Variants in COL25A1 observed in about 807,000 individuals in gnomAD.
The protein encoded by COL25A1 is collagen type XXV alpha 1 chain, also known as collagen alpha-1(XXV) chain.
A neutral mutation model predicts 128.4 loss-of-function variants in COL25A1; 103 were observed. The observed-to-expected ratio is 0.80, with a 90% CI of 0.68 to 0.94. The LOEUF (loss-of-function observed/expected upper bound fraction) is 0.94, where lower values mean the gene tolerates loss of function less well. Among genes scored for constraint, COL25A1 ranks in the 40% least tolerant of loss-of-function variants. COL25A1 has a pLI of 0.00. For synonymous variants in COL25A1, 279 were observed against 277.2 expected (o/e 1.01, Z -0.06); for missense variants, 745 against 840.0 (o/e 0.89, Z 1.40).
intron 35 of COL25A1, among the ~76,000 whole-genome samples, chr4:108,822,113 G>A (rs573237552): frequency 7.0e-4 from 97 of 138,904 alleles, no homozygotes; most frequent in African/African-American, 2.1e-3. Flanking sequence ...GCGTGATCTC[G>A]GCTCACTGCA....
intron 22 of COL25A1, among the ~76,000 whole-genome samples, chr4:108,861,556 C>T (rs72668337): frequency 0.097 from 14,834 of 152,236 alleles, 934 homozygotes; most frequent in Non-Finnish European, 0.14. Flanking sequence ...AACAGGTTGG[C>T]AGCGCTGAAG....
chr4:108,836,360 C>A (rs1427865074), intron 31 of COL25A1, among the ~76,000 whole-genome samples: 1 of 152,102 alleles, frequency 6.6e-6, no homozygotes, highest in Non-Finnish European at 1.5e-5. Context: ...TCCAAACTTT[C>A]TTTTGCCTTT....
chr4:109,068,353 G>T (rs575323654), intron 3 of COL25A1, among the ~76,000 whole-genome samples: 104 of 152,014 alleles, frequency 6.8e-4, no homozygotes, highest in Middle Eastern at 3.4e-3. Context: ...ACATGCAACA[G>T]ATTTACCATT....
At chr4:108,859,619 T>C (rs762535105) in intron 24 of COL25A1, 37 bp downstream of exon 24, 10 of 1,585,472 alleles carry the variant, frequency 6.3e-6, no homozygotes, top group Non-Finnish European at 8.6e-6. Context: ...CTCAGCATCC[T>C]TCTCAGTGTG....
At chr4:109,002,530 C>T (rs960326427) in intron 6 of COL25A1, among the ~76,000 whole-genome samples, 2 of 152,046 alleles carry the variant, frequency 1.3e-5, no homozygotes, top group African/African-American at 4.8e-5. Flanking sequence ...AAGCATAGAA[C>T]AAAGGCTGGA....
chr4:109,163,999 A>C (rs894343482), intron 3 of COL25A1, among the ~76,000 whole-genome samples: 1 of 152,182 alleles, frequency 6.6e-6, no homozygotes, highest in Non-Finnish European at 1.5e-5. Flanking sequence ...TAAATTAACG[A>C]GTGGTATGGC....
chr4:108,823,179 A>G (rs1731978651), intron 35 of COL25A1, among the ~76,000 whole-genome samples: 1 of 152,260 alleles, frequency 6.6e-6, no homozygotes, highest in South Asian at 2.1e-4. Flanking sequence ...GAGCAGGGAC[A>G]TAAATTAACC....
intron 3 of COL25A1, among the ~76,000 whole-genome samples, chr4:109,163,779 A>C (rs1290986804): frequency 6.6e-6 from 1 of 152,126 alleles, no homozygotes; most frequent in Admixed American, 6.5e-5. Context: ...TGCTCATCAA[A>C]TCCTGCTGGT....
chr4:109,144,778 C>T (rs1770769847), intron 3 of COL25A1, among the ~76,000 whole-genome samples: 1 of 152,048 alleles, frequency 6.6e-6, no homozygotes, highest in South Asian at 2.1e-4. Flanking sequence ...AGAAACAAGG[C>T]AAGATTAGTA....
chr4:109,251,626 C>T (rs1780653055), intron 3 of COL25A1, among the ~76,000 whole-genome samples: 1 of 152,148 alleles, frequency 6.6e-6, no homozygotes, highest in African/African-American at 2.4e-5. Flanking sequence ...GGGAGCAATC[C>T]TAACTTTCAT....
At chr4:109,035,897 G>T (rs910025248) in intron 5 of COL25A1, among the ~76,000 whole-genome samples, 2 of 149,666 alleles carry the variant, frequency 1.3e-5, no homozygotes, top group Admixed American at 6.6e-5. Flanking sequence ...CCAAACTAAA[G>T]ATTTTTATTT....
chr4:109,120,038 T>C (rs1767978817), intron 3 of COL25A1, among the ~76,000 whole-genome samples: 1 of 152,076 alleles, frequency 6.6e-6, no homozygotes, highest in Non-Finnish European at 1.5e-5. Flanking sequence ...AAAAATCACA[T>C]GGTCTGCATC....
chr4:109,210,639 T>C (rs75105239), intron 3 of COL25A1, among the ~76,000 whole-genome samples: 4,402 of 152,204 alleles, frequency 0.029, 301 homozygotes, highest in East Asian at 0.21. Context: ...ATAACTCTTA[T>C]GTAATAAAAT....
In COL25A1 at chr4:108,886,492, G is replaced by GTGTGTTTTTTTT. The variant is rs58157157; in HGVS notation, c.976-2271_976-2270insAAAAAAAACACA. On this transcript the variant is annotated intron_variant, in intron 18 of 37. Transcript: ENST00000399132. ...TGTGTGTGTGTGTGTGTGTGTGTGTGTTTAGCTCATCAGCTATTTTATGTG... is the reference window on the plus strand; with the variant it reads ...TGTGTGTGTGTGTGTGTGTGTGTGTGTGTGTTTTTTTTTTTAGCTCATCAGCTATTTTATGTG... Among the ~76,000 whole-genome samples, 85 of 109,268 alleles carry GTGTGTTTTTTTT rather than the reference G, an allele frequency of 7.8e-4. 2 individuals are homozygous for GTGTGTTTTTTTT. Among genetic ancestry groups the GTGTGTTTTTTTT allele is most frequent in the Admixed American group, 5.7e-3 (63 of 11,126 alleles). 71.7% of individuals were successfully genotyped at this position (109,268 alleles called of 152,430 possible). A position where few individuals can be genotyped will look rare whatever the true frequency, so the allele number is the denominator to read the frequency against.
chr4:108,937,940 C>A, intron 10 of COL25A1, 97 bp from the exon 11 acceptor site: 2 of 898,998 alleles, frequency 2.2e-6, no homozygotes, highest in South Asian at 3.3e-5. Flanking sequence ...ATGTAAATGT[C>A]AAATATATTT....
intron 3 of COL25A1, among the ~76,000 whole-genome samples, chr4:109,065,542 G>GCGCA (rs1762362434): frequency 7.5e-6 from 1 of 133,518 alleles, no homozygotes; most frequent in South Asian, 2.3e-4. Context: ...ACGCGCGCGC[G>GCGCA]CGCGTGTGTG....
chr4:109,065,208 T>A (rs1762313640), intron 3 of COL25A1, among the ~76,000 whole-genome samples: 1 of 152,190 alleles, frequency 6.6e-6, no homozygotes, highest in Non-Finnish European at 1.5e-5. Context: ...GTCCTAATCA[T>A]TCTGCCCAAG....
intron 3 of COL25A1, among the ~76,000 whole-genome samples, chr4:109,088,433 T>A (rs1430978930): frequency 6.6e-6 from 1 of 152,228 alleles, no homozygotes; most frequent in Non-Finnish European, 1.5e-5. Context: ...ATTGACAATT[T>A]AGAATTGTAT....
At chr4:108,986,739 T>G (rs1753700662) in intron 6 of COL25A1, among the ~76,000 whole-genome samples, 1 of 152,208 alleles carries the variant, frequency 6.6e-6, no homozygotes, top group African/African-American at 2.4e-5. Flanking sequence ...AAGACATTTT[T>G]GAGACAATTG....
Sources: allele counts gnomAD v4.1 joint callset (sites outside exome capture counted in the v4.1 genomes callset), GRCh38; gene constraint gnomAD v4.1.1; transcripts MANE v1.5; gene names NCBI Gene and HGNC (gene_info 2026-07-23, HGNC 2026-07-21).